CWF19L2: variants seen among roughly 807,000 people sequenced by gnomAD.
CWF19L2 encodes CWF19-like protein 2.
A neutral mutation model predicts 111.7 loss-of-function variants in CWF19L2; 98 were observed. That is an observed-to-expected ratio of 0.88 (90% confidence interval 0.75 to 1.04). The LOEUF (loss-of-function observed/expected upper bound fraction) is 1.04. Among genes scored for constraint, CWF19L2 ranks in the 50% least tolerant of loss-of-function variants. CWF19L2 has a pLI of 0.00. For missense variants in CWF19L2, 1,101 were observed against 1,051.4 expected (o/e 1.05, Z -0.65); for synonymous variants, 351 against 342.9 (o/e 1.02, Z -0.26).
chr11:107,403,654 G>A, intron 10 of CWF19L2: 2 of 775,768 alleles, frequency 2.6e-6, no homozygotes, highest in South Asian at 1.3e-5. Context: ...CCTCACCTTT[G>A]TTTGGTGCTT....
chr11:107,336,914 A>G (rs1204299597), intron 14 of CWF19L2, among the ~76,000 whole-genome samples: 1 of 152,222 alleles, frequency 6.6e-6, no homozygotes, highest in African/African-American at 2.4e-5. Context: ...ATAATTTCAT[A>G]TATTTAAGCA....
intron 10 of CWF19L2, among the ~76,000 whole-genome samples, chr11:107,395,598 A>C (rs1298725305): frequency 1.3e-5 from 2 of 152,220 alleles, no homozygotes; most frequent in Non-Finnish European, 2.9e-5. Flanking sequence ...TAGTGAAATA[A>C]AGGTAAAGCA....
In CWF19L2 at chr11:107,328,264, AG is replaced by A. The variant is rs555378168; in HGVS notation, c.2542-1212del. On this transcript the variant is annotated intron_variant, in intron 17 of 17. Coordinates refer to ENST00000282251, the MANE Select transcript of CWF19L2 (RefSeq NM_152434.3). ...AACAGAGATAGTAGAAAAGAGAAAT[AG>A]GGCAAATTGAGATTTAGTTCAAGAG... 1.3e-4 allele frequency among the ~76,000 whole-genome samples: 20 copies of A among 152,202 alleles called. 1 individual carries two copies. The South Asian group carries it at 4.2e-3, about 32-fold the overall frequency.
intron 12 of CWF19L2, among the ~76,000 whole-genome samples, chr11:107,368,301 G>C (rs149504554): frequency 7.3e-6 from 1 of 137,876 alleles, no homozygotes; most frequent in Non-Finnish European, 1.6e-5. Context: ...CAGAGACTAT[G>C]ATGATCAACT....
chr11:107,374,177 C>A (rs201792573), intron 12 of CWF19L2, among the ~76,000 whole-genome samples: 5 of 132,328 alleles, frequency 3.8e-5, no homozygotes, highest in South Asian at 2.5e-4. Flanking sequence ...GAGAATGGAA[C>A]CAAGTTGGAA....
intron 12 of CWF19L2, among the ~76,000 whole-genome samples, chr11:107,383,122 T>C (rs1860716022): frequency 6.6e-6 from 1 of 152,218 alleles, no homozygotes; most frequent in Non-Finnish European, 1.5e-5. Context: ...TTTAAGTGTT[T>C]CCCTGAATTC....
intron 8 of CWF19L2, 48 bp downstream of exon 8, chr11:107,428,751 T>C (rs777433657): frequency 7.1e-7 from 1 of 1,410,160 alleles, no homozygotes; most frequent in Non-Finnish European, 9.7e-7. Context: ...GTTCTGTTCT[T>C]TGAACTCTCT....
At chr11:107,363,435 A>G (rs1213399724) in intron 12 of CWF19L2, among the ~76,000 whole-genome samples, 1 of 152,036 alleles carries the variant, frequency 6.6e-6, no homozygotes, top group Non-Finnish European at 1.5e-5. Flanking sequence ...AGGTCGGGTT[A>G]CCCTCAAAGG....
Position 107,416,349 on chromosome 11 carries a change from TACG to T in CWF19L2, c.1528-54_1528-52del, listed in dbSNP as rs896656535. The T allele has an allele frequency of 5.7e-5, 44 of 773,036 alleles. No homozygotes were observed. In the Middle Eastern group the frequency reaches 9.1e-4, roughly 16 times the overall value. The allele number at this position is 773,036 out of a possible 1,614,324, so 47.9% of individuals were successfully genotyped here. A position where few individuals can be genotyped will look rare whatever the true frequency, so the allele number is the denominator to read the frequency against. On this transcript the variant is annotated intron_variant, in intron 9 of 17. Transcript: ENST00000282251. ...ATGTGCGATATGTAGTTTAATTCTT[TACG>T]ACAAAATGTTCAAATTTACACAACA...
chr11:107,416,390 G>A (rs1339228287), intron 9 of CWF19L2, 92 bp from the exon 10 acceptor site: 4 of 482,956 alleles, frequency 8.3e-6, no homozygotes, highest in African/African-American at 8.0e-5. Flanking sequence ...AGGAAAAACA[G>A]CATAACCAAC....
intron 7 of CWF19L2, among the ~76,000 whole-genome samples, chr11:107,433,376 T>G (rs997055710): frequency 4.6e-5 from 7 of 152,164 alleles, no homozygotes; most frequent in African/African-American, 1.7e-4. Flanking sequence ...CGGCATTGTT[T>G]AAATTTTCTC....
intron 12 of CWF19L2, among the ~76,000 whole-genome samples, chr11:107,381,209 T>C (rs1239761247): frequency 1.3e-5 from 2 of 152,188 alleles, no homozygotes; most frequent in Non-Finnish European, 2.9e-5. Flanking sequence ...CTGAATTGTA[T>C]ACTGTAAATG....
At chr11:107,333,280 A>C (rs894005597) in intron 16 of CWF19L2, among the ~76,000 whole-genome samples, 3 of 152,166 alleles carry the variant, frequency 2.0e-5, no homozygotes, top group African/African-American at 7.2e-5. Flanking sequence ...TATGTTTCAT[A>C]ATGTTAAGTT....
intron 10 of CWF19L2, among the ~76,000 whole-genome samples, chr11:107,415,879 T>C (rs1861217839): frequency 1.3e-5 from 2 of 151,962 alleles, no homozygotes; most frequent in Admixed American, 6.6e-5. Context: ...GGGTGGATCA[T>C]TTGAGGTCAG....
intron 12 of CWF19L2, among the ~76,000 whole-genome samples, chr11:107,380,258 C>T (rs1860665304): frequency 6.6e-6 from 1 of 152,008 alleles, no homozygotes; most frequent in African/African-American, 2.4e-5. Flanking sequence ...AATTTTATGA[C>T]AATGTTTATT....
chr11:107,380,830 AAATG>A lies in CWF19L2; in HGVS notation c.1872+9240_1872+9243del, dbSNP rs143729396. On this transcript the variant is annotated intron_variant, in intron 12 of 17. Coordinates refer to ENST00000282251, the MANE Select transcript of CWF19L2 (RefSeq NM_152434.3). ...GGAAGCAACCCAAGTGTCCATGAAC[AAATG>A]AATGGAGTTTTTAAATGTGTTATAT... 4.5e-3 allele frequency among the ~76,000 whole-genome samples: 684 copies of A among 152,350 alleles called. 4 individuals are homozygous for A. Among genetic ancestry groups the A allele is most frequent in the African/African-American group, 0.015 (610 of 41,578 alleles).
intron 8 of CWF19L2, among the ~76,000 whole-genome samples, chr11:107,422,546 G>A (rs946088584): frequency 6.6e-6 from 1 of 151,912 alleles, no homozygotes; most frequent in Admixed American, 6.6e-5. Context: ...GTACACTTTT[G>A]TATATTTGCA....
chr11:107,415,299 C>T (rs948735252), intron 10 of CWF19L2, among the ~76,000 whole-genome samples: 2 of 152,210 alleles, frequency 1.3e-5, no homozygotes, highest in Admixed American at 6.5e-5. Context: ...TACATAAAGT[C>T]CTTACACTTT....
At chr11:107,380,046 C>CAAAAAAA (rs66699460) in intron 12 of CWF19L2, among the ~76,000 whole-genome samples, 1,727 of 34,478 alleles carry the variant, frequency 0.05, 360 homozygotes, top group Non-Finnish European at 0.055. Context: ...GACACCGTCT[C>CAAAAAAA]AAAAAAAAAA....
Sources: allele counts gnomAD v4.1 joint callset (sites outside exome capture counted in the v4.1 genomes callset), GRCh38; gene constraint gnomAD v4.1.1; transcripts MANE v1.5; gene names NCBI Gene and HGNC (gene_info 2026-07-23, HGNC 2026-07-21).